The following SLC7A1 variants were observed in gnomAD, a reference collection of about 807,000 sequenced individuals.
SLC7A1 encodes high affinity cationic amino acid transporter 1.
SLC7A1 carries 10 observed loss-of-function variants against 53.9 expected under a neutral mutation model. The ratio of observed to expected loss-of-function variants is 0.19; its 90% CI spans 0.11 to 0.31. The LOEUF is 0.31. Ranked by LOEUF, SLC7A1 falls within the 10% of genes least tolerant of loss-of-function variation. The pLI, the probability that SLC7A1 is intolerant of heterozygous loss-of-function variation, is 1.00. For synonymous variants in SLC7A1, 342 were observed against 338.7 expected, an observed-to-expected ratio of 1.01 and a Z score of -0.11; for missense variants, 525 against 827.2, an observed-to-expected ratio of 0.63 and a Z score of 4.48.
At chr13:29,527,642 G>A (rs749015427) in intron 5 of SLC7A1, among the ~76,000 whole-genome samples, 6 of 152,112 alleles carry the variant, frequency 3.9e-5, no homozygotes, top group Non-Finnish European at 7.4e-5. Flanking sequence ...TCAGCTCAGC[G>A]CTCCCTGCCC....
At chr13:29,547,754 T>A (rs567375840) in intron 2 of SLC7A1, among the ~76,000 whole-genome samples, 3 of 152,336 alleles carry the variant, frequency 2.0e-5, no homozygotes, top group Non-Finnish European at 4.4e-5. Flanking sequence ...ACCTCGAGTC[T>A]GTCTAGGAGA....
At chr13:29,591,499 C>T (rs1872108544) in intron 1 of SLC7A1, among the ~76,000 whole-genome samples, 1 of 152,194 alleles carries the variant, frequency 6.6e-6, no homozygotes, top group South Asian at 2.1e-4. Flanking sequence ...TGAGTCACCA[C>T]TGCTAGATGG....
At chr13:29,566,865 G>A (rs1229507179) in intron 1 of SLC7A1, among the ~76,000 whole-genome samples, 1 of 152,158 alleles carries the variant, frequency 6.6e-6, no homozygotes, top group African/African-American at 2.4e-5. Context: ...ATTTGAACTT[G>A]AACTTCTATT....
At position 29,509,724 on chromosome 13, in the gene SLC7A1, C is replaced by G. The variant is rs141048375; in HGVS notation, c.*4756G>C. 1 of 152,442 alleles carries G rather than the reference C, an allele frequency of 6.6e-6. No homozygotes were observed. Among genetic ancestry groups the G allele is most frequent in the African/African-American group, 2.4e-5 (1 of 41,538 alleles). 9.4% of individuals were successfully genotyped at this position (152,442 alleles called of 1,614,324 possible). A position where few individuals can be genotyped will look rare whatever the true frequency, so the allele number is the denominator to read the frequency against. Reference sequence around the variant, plus strand: ...ACTATTAGAAAAATAGAACATCAAACAAGCAAAAAAATATACAAATGTACA... The same window carrying G: ...ACTATTAGAAAAATAGAACATCAAAGAAGCAAAAAAATATACAAATGTACA... On this transcript the variant is annotated 3_prime_UTR_variant, in exon 13 of 13. Coordinates refer to ENST00000380752, the MANE Select transcript of SLC7A1 (RefSeq NM_003045.5).
At position 29,547,215 on chromosome 13, in the gene SLC7A1, A is replaced by C. The variant is rs140762076; in HGVS notation, c.-15+6546T>G. Among the ~76,000 whole-genome samples, 12 of 152,326 alleles carry C rather than the reference A, an allele frequency of 7.9e-5. No homozygotes were observed. The East Asian group carries it at 2.3e-3, about 29-fold the overall frequency. On this transcript the variant is annotated intron_variant, in intron 2 of 12. Coordinates refer to ENST00000380752, the MANE Select transcript of SLC7A1 (RefSeq NM_003045.5). Reference sequence around the variant, plus strand: ...TCTTCTTAAATGTGATACCCCTGTAAAAATGAAGCCCATTATTATTCATGC... The same window carrying C: ...TCTTCTTAAATGTGATACCCCTGTACAAATGAAGCCCATTATTATTCATGC...
intron 3 of SLC7A1, among the ~76,000 whole-genome samples, chr13:29,534,285 C>A (rs149767393): frequency 6.6e-6 from 1 of 152,194 alleles, no homozygotes; most frequent in Admixed American, 6.5e-5. Context: ...CACAAGCAAA[C>A]GGCACTCTCG....
At chr13:29,536,270 A>G (rs1323983623) in intron 2 of SLC7A1, 68 bp from the exon 3 acceptor site, 1 of 1,446,054 alleles carries the variant, frequency 6.9e-7, no homozygotes, top group Non-Finnish European at 9.5e-7. Context: ...ATCTTATCAC[A>G]TTATGGAAAC....
intron 1 of SLC7A1, among the ~76,000 whole-genome samples, chr13:29,581,370 T>C (rs928354): frequency 0.048 from 7,277 of 151,970 alleles, 252 homozygotes; most frequent in Non-Finnish European, 0.074. Flanking sequence ...ACTTTCAATG[T>C]CCCTGTGCAA....
chr13:29,554,527 T>C lies in SLC7A1; in HGVS notation c.-114-667A>G, dbSNP rs144078418. On this transcript the variant is annotated intron_variant, in intron 1 of 12. Transcript: ENST00000380752. ...GGGAGTACCTGGTATGAACGCAGCC[T>C]GAGGACACGCTACGAAGAACCTCAT... Among the ~76,000 whole-genome samples, 197 of 152,290 alleles carry C rather than the reference T, an allele frequency of 1.3e-3. 4 individuals carry two copies. The South Asian group carries it at 0.023, about 18-fold the overall frequency.
chr13:29,522,506 A>G, intron 7 of SLC7A1, 50 bp from the exon 8 acceptor site: 3 of 1,603,242 alleles, frequency 1.9e-6, no homozygotes, highest in Non-Finnish European at 2.6e-6. Flanking sequence ...CATAAGGGAT[A>G]AAGGCACCAC....
chr13:29,532,491 C>T (rs890659330), intron 4 of SLC7A1, among the ~76,000 whole-genome samples: 6 of 152,156 alleles, frequency 3.9e-5, no homozygotes, highest in African/African-American at 7.2e-5. Flanking sequence ...TCCACTGAGT[C>T]AAAAGAACTT....
At chr13:29,555,017 G>A (rs1870366107) in intron 1 of SLC7A1, among the ~76,000 whole-genome samples, 1 of 152,090 alleles carries the variant, frequency 6.6e-6, no homozygotes, top group South Asian at 2.1e-4. Flanking sequence ...GCAAGCTATA[G>A]CCACCATGAC....
intron 2 of SLC7A1, among the ~76,000 whole-genome samples, chr13:29,550,220 G>T (rs1870109811): frequency 6.6e-6 from 1 of 152,152 alleles, no homozygotes; most frequent in Non-Finnish European, 1.5e-5. Context: ...CCTAAAGTCG[G>T]ACTGGGCACT....
At chr13:29,536,337 G>T in intron 2 of SLC7A1, 135 bp from the exon 3 acceptor site, 1 of 926,622 alleles carries the variant, frequency 1.1e-6, no homozygotes, top group Non-Finnish European at 1.6e-6. Context: ...TTAATTCGTA[G>T]AATTCCACCA....
chr13:29,525,664 C>G (rs1868852058), intron 5 of SLC7A1, among the ~76,000 whole-genome samples: 1 of 152,222 alleles, frequency 6.6e-6, no homozygotes, highest in Non-Finnish European at 1.5e-5. Context: ...GCTGGAAGTA[C>G]ATGCATGAGA....
At chr13:29,551,201 CAAGT>C (rs1396338983) in intron 2 of SLC7A1, among the ~76,000 whole-genome samples, 1 of 152,180 alleles carries the variant, frequency 6.6e-6, no homozygotes, top group East Asian at 1.9e-4. Context: ...AAGAAGCAAG[CAAGT>C]AACTGTTCAC....
chr13:29,522,444 G>A lies in SLC7A1; in HGVS notation c.1062C>T (p.Ser354=), dbSNP rs1273571588. ...LCALSASLLG[S]MFPMPRVIYA... is the part of the protein sequence containing the mutation. ...AGATAACCCGAGGCATGGGAAACAT[G>A]GAACCTAGAAGACTAGATGGGGAGA... The change falls in exon 8 of 13, where the codon TCC becomes TCT. Residue 354 remains serine (S), a synonymous_variant. Coordinates refer to ENST00000380752, the MANE Select transcript of SLC7A1 (RefSeq NM_003045.5). The A allele has an allele frequency of 1.2e-6, 2 of 1,614,088 alleles. No individual in the cohort carries two copies. The highest frequency in any genetic ancestry group is 2.7e-5 in the African/African-American group (2 of 74,922).
At chr13:29,555,856 A>T (rs1295435096) in intron 1 of SLC7A1, among the ~76,000 whole-genome samples, 4 of 152,220 alleles carry the variant, frequency 2.6e-5, no homozygotes, top group African/African-American at 4.8e-5. Context: ...GGGATATTTT[A>T]AAAATATATG....
At chr13:29,532,568 G>C (rs1328609479) in intron 4 of SLC7A1, among the ~76,000 whole-genome samples, 1 of 152,148 alleles carries the variant, frequency 6.6e-6, no homozygotes, top group Non-Finnish European at 1.5e-5. Context: ...AAACAGCTAG[G>C]CTAAACACCT....
Sources: gnomAD v4.1 joint callset for allele counts (sites outside exome capture counted in the v4.1 genomes callset) on GRCh38, gnomAD v4.1.1 for gene constraint, MANE v1.5 for transcripts, NCBI Gene and HGNC (gene_info 2026-07-23, HGNC 2026-07-21) for gene names.